Variants in POU6F2 observed in about 807,000 individuals in gnomAD.
POU6F2 encodes POU class 6 homeobox 2, also known as POU domain, class 6, transcription factor 2.
In POU6F2, 31 loss-of-function variants were observed where a neutral mutation model predicts 71.3. The ratio of observed to expected loss-of-function variants is 0.43; its 90% CI spans 0.33 to 0.59. The LOEUF is 0.59. Among genes scored for constraint, POU6F2 ranks in the 20% least tolerant of loss-of-function variants. The probability of loss-of-function intolerance (pLI) is 0.04; values close to 1 mark genes in which losing one functional copy is unlikely to be tolerated. For missense variants in POU6F2, 783 were observed against 856.8 expected (o/e 0.91, Z 1.07); for synonymous variants, 347 against 355.7 (o/e 0.98, Z 0.27).
chr7:39,092,474 T>G (rs1373403171), intron 2 of POU6F2, among the ~76,000 whole-genome samples: 1 of 152,226 alleles, frequency 6.6e-6, no homozygotes, highest in East Asian at 1.9e-4. Flanking sequence ...GCATAATTTG[T>G]TTTAATTTTT....
chr7:39,209,592 C>T (rs576725741), intron 4 of POU6F2, among the ~76,000 whole-genome samples: 12 of 152,252 alleles, frequency 7.9e-5, no homozygotes, highest in Admixed American at 5.9e-4. Context: ...GTCATCCTAA[C>T]GAGAAGTTCA....
At chr7:39,381,744 C>T (rs1257940740) in intron 5 of POU6F2, among the ~76,000 whole-genome samples, 1 of 152,076 alleles carries the variant, frequency 6.6e-6, no homozygotes, top group Non-Finnish European at 1.5e-5. Flanking sequence ...GGACAATGCC[C>T]ATGTTCCAAT....
At chr7:39,157,116 C>T (rs893540414) in intron 2 of POU6F2, among the ~76,000 whole-genome samples, 1 of 152,138 alleles carries the variant, frequency 6.6e-6, no homozygotes, top group African/African-American at 2.4e-5. Flanking sequence ...AATACCGAGG[C>T]AGAGCACAGG....
chr7:39,148,504 T>A (rs1792667862), intron 2 of POU6F2, among the ~76,000 whole-genome samples: 1 of 152,202 alleles, frequency 6.6e-6, no homozygotes, highest in South Asian at 2.1e-4. Flanking sequence ...GGAATAGTGT[T>A]AACTATGATG....
At chr7:39,329,981 T>C (rs1785605644) in intron 4 of POU6F2, among the ~76,000 whole-genome samples, 1 of 152,232 alleles carries the variant, frequency 6.6e-6, no homozygotes, top group African/African-American at 2.4e-5. Flanking sequence ...TTGTTTAAAT[T>C]TTTTATCAAT....
At chr7:39,030,413 A>G (rs1002128891) in intron 1 of POU6F2, among the ~76,000 whole-genome samples, 2 of 147,482 alleles carry the variant, frequency 1.4e-5, no homozygotes, top group Non-Finnish European at 3.0e-5. Context: ...TTTTGTCTAG[A>G]TCACTCTTGC....
At chr7:39,363,091 C>T (rs959327762) in intron 5 of POU6F2, among the ~76,000 whole-genome samples, 1 of 152,060 alleles carries the variant, frequency 6.6e-6, no homozygotes, top group African/African-American at 2.4e-5. Flanking sequence ...GAGTCAGGAG[C>T]GAACACAGGA....
intron 7 of POU6F2, among the ~76,000 whole-genome samples, chr7:39,443,163 G>A (rs540095301): frequency 8.1e-4 from 123 of 152,280 alleles, no homozygotes; most frequent in African/African-American, 2.8e-3. Context: ...TCCTCTGCTA[G>A]TCTAACCACC....
At chr7:39,329,868 G>GA (rs1785602133) in intron 4 of POU6F2, among the ~76,000 whole-genome samples, 1 of 152,164 alleles carries the variant, frequency 6.6e-6, no homozygotes, top group South Asian at 2.1e-4. Context: ...AGGTTGTTGA[G>GA]AAAACCAATG....
At chr7:39,382,611 T>C (rs780618395) in intron 5 of POU6F2, among the ~76,000 whole-genome samples, 1 of 151,376 alleles carries the variant, frequency 6.6e-6, no homozygotes, top group African/African-American at 2.4e-5. Flanking sequence ...TCTTGGGAGG[T>C]TGGAAGATTA....
chr7:39,394,635 T>C (rs1358481839), intron 5 of POU6F2, among the ~76,000 whole-genome samples: 2 of 152,210 alleles, frequency 1.3e-5, no homozygotes, highest in Non-Finnish European at 2.9e-5. Context: ...ATTCAGAGCA[T>C]AGCCAGCTTT....
chr7:38,985,430 TAAAA>T (rs980417698), intron 1 of POU6F2, among the ~76,000 whole-genome samples: 2 of 151,292 alleles, frequency 1.3e-5, no homozygotes, highest in Non-Finnish European at 3.0e-5. Context: ...TTTTATCCAT[TAAAA>T]AAAAATCCAG....
intron 1 of POU6F2, among the ~76,000 whole-genome samples, chr7:39,079,481 C>T (rs1018027650): frequency 1.1e-4 from 17 of 152,048 alleles, no homozygotes; most frequent in African/African-American, 3.9e-4. Context: ...CCGGCCAAGT[C>T]TCACAATATC....
intron 2 of POU6F2, among the ~76,000 whole-genome samples, chr7:39,181,746 T>G (rs569414571): frequency 6.6e-6 from 1 of 152,322 alleles, no homozygotes; most frequent in East Asian, 1.9e-4. Flanking sequence ...TCACAGCAGA[T>G]GAGCTGGTGT....
chr7:39,269,222 C>G (rs1784301797), intron 4 of POU6F2, among the ~76,000 whole-genome samples: 1 of 152,178 alleles, frequency 6.6e-6, no homozygotes, highest in African/African-American at 2.4e-5. Context: ...GTGAGAACCA[C>G]TGACCCCAGG....
intron 2 of POU6F2, among the ~76,000 whole-genome samples, chr7:39,191,964 ATTTGAGT>A (rs1793679258): frequency 6.6e-6 from 1 of 152,220 alleles, no homozygotes; most frequent in African/African-American, 2.4e-5. Context: ...TGAGACATTA[ATTTGAGT>A]TTTCATATTC....
At chr7:39,345,156 AAC>A (rs1206936567) in intron 5 of POU6F2, among the ~76,000 whole-genome samples, 1 of 152,220 alleles carries the variant, frequency 6.6e-6, no homozygotes, top group Non-Finnish European at 1.5e-5. Context: ...CAGTCATATG[AAC>A]ATTTAGTGAT....
At chr7:39,027,936 A>T (rs938123787) in intron 1 of POU6F2, among the ~76,000 whole-genome samples, 3 of 152,222 alleles carry the variant, frequency 2.0e-5, no homozygotes, top group Admixed American at 2.0e-4. Context: ...TCAGATGCAT[A>T]TACCAATTTA....
chr7:39,014,938 C>T (rs1229057), intron 1 of POU6F2, among the ~76,000 whole-genome samples: 15,675 of 152,034 alleles, frequency 0.1, 858 homozygotes, highest in Non-Finnish European at 0.12. Context: ...CTGCTGTTGA[C>T]TCCTCTATTA....
Sources: gnomAD v4.1 joint callset for allele counts (sites outside exome capture counted in the v4.1 genomes callset) on GRCh38, gnomAD v4.1.1 for gene constraint, MANE v1.5 for transcripts, NCBI Gene and HGNC (gene_info 2026-07-23, HGNC 2026-07-21) for gene names.